The following HNF4G variants were observed in gnomAD, a reference collection of about 807,000 sequenced individuals.
HNF4G encodes the protein hepatocyte nuclear factor 4-gamma.
A neutral mutation model predicts 50.9 loss-of-function variants in HNF4G; 21 were observed. That is an observed-to-expected ratio of 0.41 (90% CI 0.29 to 0.59). The LOEUF is 0.59. HNF4G is among the 20% of genes least tolerant of loss of function. The pLI is 0.26. For missense variants in HNF4G, 527 were observed against 559.4 expected (o/e 0.94, Z 0.58); for synonymous variants, 198 against 185.6 (o/e 1.07, Z -0.54).
intron 2 of HNF4G, among the ~76,000 whole-genome samples, chr8:75,521,741 A>C (rs1039018107): frequency 1.3e-5 from 2 of 152,202 alleles, no homozygotes; most frequent in Admixed American, 1.3e-4. Context: ...ACAATAGTTT[A>C]AGAGTTCTGC....
At chr8:75,459,706 A>G (rs1294513143) in intron 1 of HNF4G, among the ~76,000 whole-genome samples, 4 of 152,190 alleles carry the variant, frequency 2.6e-5, no homozygotes, top group Non-Finnish European at 4.4e-5. Context: ...GCATTTAGTC[A>G]TGTACACATT....
At chr8:75,443,956 G>C (rs138292748) in intron 1 of HNF4G, among the ~76,000 whole-genome samples, 95 of 152,092 alleles carry the variant, frequency 6.2e-4, no homozygotes, top group African/African-American at 2.2e-3. Flanking sequence ...CTATGATACT[G>C]GTTTGAGAAA....
intron 1 of HNF4G, among the ~76,000 whole-genome samples, chr8:75,471,483 A>G (rs141417024): frequency 6.6e-6 from 1 of 152,282 alleles, no homozygotes; most frequent in East Asian, 1.9e-4. Context: ...ACATTGATAG[A>G]GTGTTTCAGT....
intron 1 of HNF4G, among the ~76,000 whole-genome samples, chr8:75,418,024 C>T (rs952710274): frequency 1.3e-5 from 2 of 151,858 alleles, no homozygotes; most frequent in African/African-American, 4.8e-5. Context: ...GCTAGGGCCG[C>T]CATAACATAA....
chr8:75,413,892 C>T (rs558193595), intron 1 of HNF4G, among the ~76,000 whole-genome samples: 1 of 152,036 alleles, frequency 6.6e-6, no homozygotes, highest in South Asian at 2.1e-4. Flanking sequence ...TTATTATTCA[C>T]CATGCTAAGT....
intron 2 of HNF4G, among the ~76,000 whole-genome samples, chr8:75,519,107 C>G (rs1805972591): frequency 6.6e-6 from 1 of 152,152 alleles, no homozygotes; most frequent in African/African-American, 2.4e-5. Context: ...GATCATTTCT[C>G]TCAAGTTCAA....
intron 2 of HNF4G, among the ~76,000 whole-genome samples, chr8:75,497,481 C>T (rs1412127630): frequency 2.0e-5 from 3 of 152,144 alleles, no homozygotes; most frequent in African/African-American, 4.8e-5. Flanking sequence ...GTCAGGAGTT[C>T]GAGGTCAGTG....
chr8:75,423,339 T>TC (rs1810815441), intron 1 of HNF4G, among the ~76,000 whole-genome samples: 1 of 138,950 alleles, frequency 7.2e-6, no homozygotes, highest in Non-Finnish European at 1.6e-5. Context: ...CTTTATCTTT[T>TC]TTTTTTTTTT....
chr8:75,459,627 T>C (rs1351241459), intron 1 of HNF4G, among the ~76,000 whole-genome samples: 1 of 152,214 alleles, frequency 6.6e-6, no homozygotes, highest in Non-Finnish European at 1.5e-5. Flanking sequence ...TGAACTCTGC[T>C]ATATCCTCAT....
intron 1 of HNF4G, among the ~76,000 whole-genome samples, chr8:75,457,127 G>T (rs1303706618): frequency 6.6e-6 from 1 of 152,182 alleles, no homozygotes; most frequent in Non-Finnish European, 1.5e-5. Flanking sequence ...AATTGATTCA[G>T]TCATTTACCA....
intron 2 of HNF4G, among the ~76,000 whole-genome samples, chr8:75,533,399 T>G (rs1806381071): frequency 1.3e-5 from 2 of 151,934 alleles, no homozygotes; most frequent in South Asian, 4.1e-4. Flanking sequence ...ACCTTGGGGG[T>G]TCTTCAAAAG....
intron 2 of HNF4G, among the ~76,000 whole-genome samples, chr8:75,544,530 C>T (rs1806716183): frequency 6.6e-6 from 1 of 151,916 alleles, no homozygotes; most frequent in African/African-American, 2.4e-5. Context: ...AATTTTCAGT[C>T]CTAAAATTTA....
At chr8:75,516,456 A>C (rs1206309258) in intron 2 of HNF4G, among the ~76,000 whole-genome samples, 1 of 151,914 alleles carries the variant, frequency 6.6e-6, no homozygotes, top group Admixed American at 6.6e-5. Flanking sequence ...ATTGCTTTAT[A>C]TTTTTCAATG....
At chr8:75,480,255 TC>T in intron 1 of HNF4G, among the ~76,000 whole-genome samples, 1 of 152,274 alleles carries the variant, frequency 6.6e-6, no homozygotes, top group South Asian at 2.1e-4. Flanking sequence ...AAAAATCATT[TC>T]CCCTTCTTTG....
chr8:75,558,524 A>G lies in HNF4G; in HGVS notation c.740A>G (p.Asn247Ser), dbSNP rs1249479374. ...MYKDILLLGN[N>S]YVIHRNSCEV... ...TTTGTTTTCTCTCTCATAGGAAACA[A>G]CTATGTTATTCACCGCAACAGCTGT... is the stretch of plus-strand genomic sequence containing the variant. The change falls in exon 7 of 10, where the codon AAC (asparagine) becomes AGC (serine). Residue 247 changes from asparagine (N) to serine (S), a missense_variant. Transcript: ENST00000396423. The G allele has an allele frequency of 1.9e-6, 3 of 1,609,606 alleles. No individual in the cohort carries two copies. In the Admixed American group the frequency reaches 5.1e-5, roughly 27 times the overall value.
chr8:75,421,645 A>G (rs1810777836), intron 1 of HNF4G, among the ~76,000 whole-genome samples: 1 of 152,174 alleles, frequency 6.6e-6, no homozygotes, highest in African/African-American at 2.4e-5. Flanking sequence ...TGCACATGCA[A>G]GTGGTTCACA....
At chr8:75,444,166 T>C (rs1457947040) in intron 1 of HNF4G, among the ~76,000 whole-genome samples, 2 of 151,752 alleles carry the variant, frequency 1.3e-5, no homozygotes, top group East Asian at 1.9e-4. Flanking sequence ...GAATTTCATA[T>C]CCAGCCAAAC....
chr8:75,556,039 T>G lies in HNF4G; in HGVS notation c.703T>G (p.Ser235Ala). The change falls in exon 6 of 10, where the codon TCC (serine) becomes GCC (alanine). Residue 235 changes from serine to alanine, a missense_variant. Transcript: ENST00000396423. Reference sequence around the variant, plus strand: ...CTTACTGCTTGGAGCTACAAAGAGATCCATGATGTATAAAGATATTTTGCT... The same window carrying G: ...CTTACTGCTTGGAGCTACAAAGAGAGCCATGATGTATAAAGATATTTTGCT... The part of the protein sequence containing the change: ...EHLLLGATKR[S>A]MMYKDILLLG... The G allele has an allele frequency of 6.3e-7, 1 of 1,584,082 alleles. No homozygotes were observed.
chr8:75,462,192 C>T (rs1811870924), intron 1 of HNF4G, among the ~76,000 whole-genome samples: 1 of 152,142 alleles, frequency 6.6e-6, no homozygotes. Context: ...GCAGGGATTA[C>T]AGGTGTGAGC....
Sources: gnomAD v4.1 joint callset for allele counts (sites outside exome capture counted in the v4.1 genomes callset) on GRCh38, gnomAD v4.1.1 for gene constraint, MANE v1.5 for transcripts, NCBI Gene and HGNC (gene_info 2026-07-23, HGNC 2026-07-21) for gene names.